Variants in TAFA2 observed in about 807,000 individuals in gnomAD.
TAFA2 encodes the protein chemokine-like protein TAFA-2.
TAFA2 carries 7 observed loss-of-function variants against 18.8 expected under a neutral mutation model. The ratio of observed to expected loss-of-function variants is 0.37; its 90% CI spans 0.21 to 0.70. The LOEUF is 0.70. TAFA2 is among the 30% of genes least tolerant of loss of function. TAFA2 has a pLI of 0.53. For synonymous variants in TAFA2, 60 were observed against 54.2 expected (o/e 1.11, Z -0.47); for missense variants, 122 against 158.1 (o/e 0.77, Z 1.23).
intron 4 of TAFA2, 146 bp downstream of exon 4, chr12:61,753,476 G>A (rs1354757896): frequency 1.1e-5 from 7 of 655,492 alleles, no homozygotes; most frequent in African/African-American, 1.8e-5. Flanking sequence ...TATGAAAAAA[G>A]CGAACTAAGA....
At chr12:61,968,839 A>G (rs1879153078) in intron 1 of TAFA2, among the ~76,000 whole-genome samples, 2 of 151,638 alleles carry the variant, frequency 1.3e-5, no homozygotes, top group African/African-American at 2.4e-5. Context: ...GCCATAGATG[A>G]TATCATCTCT....
chr12:62,218,822 T>C (rs1214968888), intron 1 of TAFA2, among the ~76,000 whole-genome samples: 2 of 152,174 alleles, frequency 1.3e-5, no homozygotes, highest in African/African-American at 2.4e-5. Flanking sequence ...TAAAGGACAT[T>C]TAAATTGGAA....
intron 1 of TAFA2, among the ~76,000 whole-genome samples, chr12:61,893,837 A>T (rs1287864871): frequency 2.0e-5 from 3 of 152,212 alleles, no homozygotes; most frequent in Non-Finnish European, 4.4e-5. Flanking sequence ...TGAATGTTAG[A>T]TAATCACTTA....
At chr12:61,784,196 T>C (rs1870628680) in intron 2 of TAFA2, among the ~76,000 whole-genome samples, 1 of 151,520 alleles carries the variant, frequency 6.6e-6, no homozygotes, top group Non-Finnish European at 1.5e-5. Context: ...TACAAAAAGA[T>C]AGGGAGCTAA....
upstream of TAFA2, among the ~76,000 whole-genome samples, chr12:62,197,160 G>A (rs1050758411): frequency 2.0e-5 from 3 of 152,168 alleles, no homozygotes; most frequent in Admixed American, 2.0e-4. Context: ...GTTTCATCCC[G>A]AAATTATCCC....
intron 1 of TAFA2, among the ~76,000 whole-genome samples, chr12:62,119,111 TGTA>T (rs1323241334): frequency 6.6e-6 from 1 of 152,146 alleles, no homozygotes; most frequent in Non-Finnish European, 1.5e-5. Flanking sequence ...TGTTTTTTCA[TGTA>T]GTGTGAGGGA....
intron 1 of TAFA2, among the ~76,000 whole-genome samples, chr12:62,168,840 C>CAAAT (rs1346298026): frequency 6.6e-6 from 1 of 151,702 alleles, no homozygotes. Context: ...TTGTCAAAAA[C>CAAAT]AAACAAACAA....
At chr12:61,722,551 G>GT (rs1264867882) in intron 4 of TAFA2, among the ~76,000 whole-genome samples, 2 of 152,110 alleles carry the variant, frequency 1.3e-5, no homozygotes, top group Non-Finnish European at 2.9e-5. Context: ...GAGAGTTTCA[G>GT]TTTTTTGTTT....
intron 1 of TAFA2, among the ~76,000 whole-genome samples, chr12:62,145,416 G>A (rs1012032307): frequency 6.6e-6 from 1 of 152,202 alleles, no homozygotes; most frequent in African/African-American, 2.4e-5. Context: ...CTGATGATGT[G>A]AGGTGGAAGA....
intron 4 of TAFA2, among the ~76,000 whole-genome samples, chr12:61,728,739 G>C (rs58203723): frequency 6.6e-6 from 1 of 151,590 alleles, no homozygotes; most frequent in South Asian, 2.1e-4. Context: ...CATTCAATGC[G>C]AATATTATTG....
intron 1 of TAFA2, among the ~76,000 whole-genome samples, chr12:61,937,444 T>C (rs942596835): frequency 2.4e-4 from 37 of 152,114 alleles, no homozygotes; most frequent in African/African-American, 8.7e-4. Context: ...ATAACACTGG[T>C]ATAAAAGTGG....
intron 4 of TAFA2, among the ~76,000 whole-genome samples, chr12:61,745,247 C>T (rs1186153699): frequency 6.6e-6 from 1 of 152,112 alleles, no homozygotes; most frequent in Admixed American, 6.6e-5. Context: ...CTCCATCTCA[C>T]ATAATGGCAA....
intron 1 of TAFA2, among the ~76,000 whole-genome samples, chr12:62,142,486 GA>G (rs1224634521): frequency 1.3e-5 from 2 of 151,726 alleles, no homozygotes; most frequent in East Asian, 1.9e-4. Context: ...AATGTTTTCA[GA>G]AAAAAAACTG....
rs574140957 is a variant in TAFA2 at position 62,085,696 on chromosome 12, A to C, written c.-2+105563T>G. Among the ~76,000 whole-genome samples, 3 of 152,314 alleles carry C rather than the reference A, an allele frequency of 2.0e-5. No homozygotes were observed. In the East Asian group the frequency reaches 5.8e-4, roughly 29 times the overall value. ...TGGAATTATAGAATTCAAAAAGTAG[A>C]ATAGGTACCATATACCTGACATAAA... On this transcript the variant is annotated intron_variant, in intron 1 of 4. Coordinates refer to ENST00000416284, the MANE Select transcript of TAFA2 (RefSeq NM_178539.5).
At chr12:61,873,146 T>G (rs1874691479) in intron 1 of TAFA2, among the ~76,000 whole-genome samples, 1 of 152,280 alleles carries the variant, frequency 6.6e-6, no homozygotes, top group East Asian at 1.9e-4. Flanking sequence ...GAAGTTTTAT[T>G]ACTTCTTTTA....
intron 1 of TAFA2, among the ~76,000 whole-genome samples, chr12:61,988,279 A>G (rs1375761086): frequency 6.6e-6 from 1 of 152,174 alleles, no homozygotes; most frequent in Non-Finnish European, 1.5e-5. Context: ...AAGCATTTCA[A>G]GCAGTAGATA....
chr12:61,789,226 G>A (rs534164485), intron 2 of TAFA2, among the ~76,000 whole-genome samples: 6 of 151,976 alleles, frequency 3.9e-5, no homozygotes, highest in African/African-American at 1.4e-4. Flanking sequence ...CCATGCCTAT[G>A]TCCTGAATGG....
rs1203623707 is a variant in TAFA2 at position 62,008,780 on chromosome 12, T to C, written c.-1-141354A>G. On this transcript the variant is annotated intron_variant, in intron 1 of 4. Transcript: ENST00000416284. ...AAGAAAGATGATTGCAGTTATTTGG[T>C]GTTTTGACAAATGCCTGACACTATC... Among the ~76,000 whole-genome samples, 3 of 152,320 alleles carry C rather than the reference T, an allele frequency of 2.0e-5. No homozygotes were observed. In the East Asian group the frequency reaches 5.8e-4, roughly 29 times the overall value.
intron 2 of TAFA2, among the ~76,000 whole-genome samples, chr12:61,863,719 C>CA (rs1014282151): frequency 4.6e-5 from 7 of 152,152 alleles, no homozygotes; most frequent in Admixed American, 4.6e-4. Context: ...CAAAATCTTT[C>CA]AGGGCTGTGC....
Sources: allele counts gnomAD v4.1 joint callset (sites outside exome capture counted in the v4.1 genomes callset), GRCh38; gene constraint gnomAD v4.1.1; transcripts MANE v1.5; gene names NCBI Gene and HGNC (gene_info 2026-07-23, HGNC 2026-07-21).